MIX23: variants seen among roughly 807,000 people sequenced by gnomAD.
MIX23 encodes the protein mitochondrial matrix import factor 23, also known as protein MIX23.
Under a neutral mutation model 21.6 loss-of-function variants are expected in MIX23, and 13 were observed. The ratio of observed to expected loss-of-function variants is 0.60; its 90% CI spans 0.39 to 0.96. The LOEUF (loss-of-function observed/expected upper bound fraction) is 0.96, where lower values mean the gene tolerates loss of function less well. MIX23 is among the 40% of genes least tolerant of loss of function. MIX23 has a pLI of 0.00. For missense variants in MIX23, 144 were observed against 171.2 expected, an observed-to-expected ratio of 0.84 and a Z score of 0.89; for synonymous variants, 59 against 58.0, an observed-to-expected ratio of 1.02 and a Z score of -0.08.
chr3:122,369,729 T>TA (rs539694157), intron 2 of MIX23, among the ~76,000 whole-genome samples: 28 of 150,152 alleles, frequency 1.9e-4, no homozygotes, highest in East Asian at 9.7e-4. Context: ...CAGGGCCTGT[T>TA]AAAAAAAAAA....
At chr3:122,376,748 G>A (rs1576239016) in intron 1 of MIX23, among the ~76,000 whole-genome samples, 2 of 152,232 alleles carry the variant, frequency 1.3e-5, no homozygotes, top group East Asian at 3.9e-4. Context: ...GCTTATAAAT[G>A]GTAGCTAAAC....
intron 4 of MIX23, among the ~76,000 whole-genome samples, chr3:122,362,295 A>G (rs747265835): frequency 1.3e-5 from 2 of 152,216 alleles, no homozygotes; most frequent in Non-Finnish European, 2.9e-5. Flanking sequence ...AAACTTACGG[A>G]AAGTAACTGA....
intron 2 of MIX23, among the ~76,000 whole-genome samples, chr3:122,370,438 C>T (rs1003815500): frequency 1.1e-5 from 1 of 93,914 alleles, no homozygotes; most frequent in Admixed American, 1.7e-4. Flanking sequence ...GCCTGGGTGA[C>T]AAAGTGAGAC....
chr3:122,372,958 C>A, intron 1 of MIX23: 1 of 381,020 alleles, frequency 2.6e-6, no homozygotes, highest in Non-Finnish European at 5.2e-6. Flanking sequence ...TTCTTTTTCC[C>A]TCAATATACT....
intron 1 of MIX23, among the ~76,000 whole-genome samples, chr3:122,376,385 AGGTG>A (rs1407856049): frequency 6.6e-6 from 1 of 152,086 alleles, no homozygotes; most frequent in Non-Finnish European, 1.5e-5. Flanking sequence ...TGGGAGGCTG[AGGTG>A]GGTGGATCAC....
chr3:122,372,895 G>A (rs1476549072), intron 1 of MIX23: 1 of 318,422 alleles, frequency 3.1e-6, no homozygotes, highest in Non-Finnish European at 6.2e-6. Context: ...ACTTATTATT[G>A]AAAACATCCA....
rs117638430 is a variant in MIX23 at position 122,375,773 on chromosome 3, A to G, written c.52-3973T>C. ...AGAAATGTAAATTAGTACAACCTCT[A>G]TGGAATATGTGGAGACTTCTCAGAG... On this transcript the variant is annotated intron_variant, in intron 1 of 4. Transcript: ENST00000291458. Among the ~76,000 whole-genome samples, 454 of 152,284 alleles carry G rather than the reference A, an allele frequency of 3.0e-3. 1 individual carries two copies. In the East Asian group the frequency reaches 0.032, roughly 11 times the overall value.
intron 1 of MIX23, among the ~76,000 whole-genome samples, chr3:122,377,491 C>A (rs953770100): frequency 1.3e-5 from 2 of 152,186 alleles, no homozygotes; most frequent in Non-Finnish European, 2.9e-5. Flanking sequence ...TCTGTGATGT[C>A]ACGGAAGTCA....
intron 1 of MIX23, among the ~76,000 whole-genome samples, chr3:122,382,275 A>T (rs557141706): frequency 1.3e-5 from 2 of 152,312 alleles, no homozygotes; most frequent in African/African-American, 4.8e-5. Context: ...CAAGAGGATT[A>T]TTTGGTGAGA....
intron 3 of MIX23, 47 bp downstream of exon 3, chr3:122,368,129 C>A: frequency 6.3e-7 from 1 of 1,589,986 alleles, no homozygotes; most frequent in Non-Finnish European, 8.6e-7. Context: ...TTGAAGGCTA[C>A]AATTGGAAAA....
At chr3:122,373,098 T>G in intron 1 of MIX23, 1 of 374,568 alleles carries the variant, frequency 2.7e-6, no homozygotes, top group Non-Finnish European at 5.2e-6. Flanking sequence ...AAAAAAACTT[T>G]AAATAAAAAT....
chr3:122,365,487 ATTCACAT>A (rs1202960599), intron 3 of MIX23: 4 of 152,144 alleles, frequency 2.6e-5, no homozygotes, highest in Non-Finnish European at 4.4e-5. Context: ...GAAAAAAAAA[ATTCACAT>A]TTCCTTATTT....
intron 1 of MIX23, among the ~76,000 whole-genome samples, chr3:122,375,248 C>T (rs764810167): frequency 1.3e-5 from 2 of 152,144 alleles, no homozygotes; most frequent in Non-Finnish European, 2.9e-5. Flanking sequence ...TGGTCAGGGA[C>T]GAGAAAATAA....
chr3:122,362,656 TAGTAGACACCTGACTTCA>T (rs1369726133), intron 4 of MIX23, among the ~76,000 whole-genome samples: 1 of 152,072 alleles, frequency 6.6e-6, no homozygotes, highest in African/African-American at 2.4e-5. Flanking sequence ...TTTGTATTTT[TAGTAGACACCTGACTTCA>T]GGTGACCCAC....
chr3:122,373,794 C>T (rs1306051551), intron 1 of MIX23, among the ~76,000 whole-genome samples: 1 of 152,154 alleles, frequency 6.6e-6, no homozygotes, highest in East Asian at 1.9e-4. Flanking sequence ...AGTGAAACGG[C>T]TTGCAGAAGG....
At chr3:122,361,842 A>G (rs1389798810) in intron 4 of MIX23, among the ~76,000 whole-genome samples, 3 of 152,200 alleles carry the variant, frequency 2.0e-5, no homozygotes, top group Non-Finnish European at 4.4e-5. Flanking sequence ...AAGCAAAGAA[A>G]GCCAATTTGT....
chr3:122,365,872 TTATATAAATTATC>T lies in MIX23; in HGVS notation c.324+2291_324+2303del, dbSNP rs571895983. ...CAAAATTACTAGACTTTCACCAGTTTTATATAAATTATCTATATGCCGGCTGGACACGGTGGCT... is the reference window on the plus strand; with the variant it reads ...CAAAATTACTAGACTTTCACCAGTTTTATATGCCGGCTGGACACGGTGGCT... On this transcript the variant is annotated intron_variant, in intron 3 of 4. Coordinates refer to ENST00000291458, the MANE Select transcript of MIX23 (RefSeq NM_001017928.4). 4.6e-3 allele frequency among the ~76,000 whole-genome samples: 708 copies of T among 152,260 alleles called. 7 individuals carry two copies. The highest frequency in any genetic ancestry group is 0.016 in the African/African-American group (673 of 41,552).
chr3:122,378,111 T>C (rs2075502340), intron 1 of MIX23, among the ~76,000 whole-genome samples: 1 of 152,192 alleles, frequency 6.6e-6, no homozygotes, highest in Non-Finnish European at 1.5e-5. Flanking sequence ...CATGATCAGA[T>C]CTGTGTTCTA....
intron 2 of MIX23, among the ~76,000 whole-genome samples, chr3:122,370,705 G>C (rs2075434993): frequency 2.6e-5 from 4 of 152,112 alleles, no homozygotes; most frequent in Non-Finnish European, 5.9e-5. Context: ...TAGTTCTTCA[G>C]ACAGAGGTAC....
Sources: gnomAD v4.1 joint callset for allele counts (sites outside exome capture counted in the v4.1 genomes callset) on GRCh38, gnomAD v4.1.1 for gene constraint, MANE v1.5 for transcripts, NCBI Gene and HGNC (gene_info 2026-07-23, HGNC 2026-07-21) for gene names.